ABHD12B: variants seen among roughly 807,000 people sequenced by gnomAD.
The protein encoded by ABHD12B is abhydrolase domain containing 12B, also known as protein ABHD12B.
ABHD12B carries 42 observed loss-of-function variants against 50.4 expected under a neutral mutation model. The ratio of observed to expected loss-of-function variants is 0.83; its 90% CI spans 0.65 to 1.08. ABHD12B has a LOEUF of 1.08. Among genes scored for constraint, ABHD12B ranks in the 50% least tolerant of loss-of-function variants. ABHD12B has a pLI of 0.00. For missense variants in ABHD12B, 479 were observed against 447.7 expected (o/e 1.07, Z -0.63); for synonymous variants, 167 against 160.3 (o/e 1.04, Z -0.32).
chr14:50,875,697 A>G (rs967676562), intron 1 of ABHD12B, among the ~76,000 whole-genome samples: 2 of 152,178 alleles, frequency 1.3e-5, no homozygotes, highest in African/African-American at 4.8e-5. Flanking sequence ...AGTCAAATTG[A>G]CAACCCCTTA....
At chr14:50,903,516 C>A in intron 11 of ABHD12B, 49 bp downstream of exon 11, 2 of 1,488,868 alleles carry the variant, frequency 1.3e-6, no homozygotes, top group South Asian at 1.2e-5. Context: ...CTCATTTCAC[C>A]ATTTTTTTCA....
In ABHD12B at chr14:50,872,194, A is replaced by G. The variant is rs1434558945; in HGVS notation, c.20A>G (p.Gln7Arg). Residue 7 changes from glutamine to arginine, a missense_variant, in exon 1 of 13, where the codon CAG (glutamine) becomes CGG (arginine). Gln to Arg is a conservative substitution (Grantham distance 43, BLOSUM62 1). Transcript: ENST00000337334. The stretch of plus-strand genomic sequence containing the variant: ...CGCGGGATGGACGCGCAGGACTGCC[A>G]GGCGGCCGCATCGCCCGAGCCGCCC... MDAQDC[Q>R]AAASPEPPGP... 1.5e-6 allele frequency: 2 copies of G among 1,364,214 alleles called. No homozygotes were observed. The highest frequency in any genetic ancestry group is 1.7e-5 in the South Asian group (1 of 59,808). The allele number at this position is 1,364,214 out of a possible 1,614,324, so 84.5% of individuals were successfully genotyped here. A position where few individuals can be genotyped will look rare whatever the true frequency, so the allele number is the denominator to read the frequency against.
chr14:50,887,211 C>CAAAAAAAAAAAA (rs59924695), intron 8 of ABHD12B, among the ~76,000 whole-genome samples: 1,430 of 43,536 alleles, frequency 0.033, 358 homozygotes, highest in Admixed American at 0.045. Flanking sequence ...GAGTCTGTCT[C>CAAAAAAAAAAAA]AAAAAAAAAA....
chr14:50,878,714 C>T (rs751451359), intron 2 of ABHD12B, 31 bp from the exon 3 acceptor site: 2 of 1,557,892 alleles, frequency 1.3e-6, no homozygotes, highest in South Asian at 2.2e-5. Flanking sequence ...GAATTTGATT[C>T]TTGAAGTTGA....
Position 50,885,094 on chromosome 14 carries a change from C to T in ABHD12B, c.487-520C>T, listed in dbSNP as rs190210911. Among the ~76,000 whole-genome samples the T allele has an allele frequency of 1.4e-3, 215 of 152,224 alleles. 1 individual carries two copies. The highest frequency in any genetic ancestry group is 4.8e-3 in the African/African-American group (200 of 41,518). The stretch of plus-strand genomic sequence containing the variant: ...ATATGTAAATGTTAAATAACTTGGC[C>T]AAGGTCACACAGCAGGTAAGTGGCA... On this transcript the variant is annotated intron_variant, in intron 5 of 12. Coordinates refer to ENST00000337334, the MANE Select transcript of ABHD12B (RefSeq NM_001206673.2).
At chr14:50,877,851 G>A in intron 1 of ABHD12B, 101 bp from the exon 2 acceptor site, 1 of 1,241,046 alleles carries the variant, frequency 8.1e-7, no homozygotes, top group East Asian at 2.8e-5. Flanking sequence ...TGGGCAACAA[G>A]AGCAGAACTC....
At chr14:50,882,791 T>C (rs537695069) in intron 5 of ABHD12B, among the ~76,000 whole-genome samples, 10 of 152,012 alleles carry the variant, frequency 6.6e-5, no homozygotes, top group Non-Finnish European at 1.3e-4. Flanking sequence ...CTCAACTTAA[T>C]GAGACCCTGT....
chr14:50,897,764 G>A (rs57618600), intron 9 of ABHD12B, among the ~76,000 whole-genome samples: 4,465 of 152,274 alleles, frequency 0.029, 214 homozygotes, highest in African/African-American at 0.1. Flanking sequence ...TTACCAAGGG[G>A]TTGGCGAAGA....
chr14:50,874,915 C>T (rs1229714578), intron 1 of ABHD12B, among the ~76,000 whole-genome samples: 10 of 152,232 alleles, frequency 6.6e-5, no homozygotes, highest in Admixed American at 6.5e-4. Flanking sequence ...AAATGAAGTC[C>T]TTCCTCTTTC....
chr14:50,880,205 G>A (rs902826552), intron 3 of ABHD12B, among the ~76,000 whole-genome samples: 2 of 152,186 alleles, frequency 1.3e-5, no homozygotes, highest in Non-Finnish European at 2.9e-5. Context: ...AGGTGCAGAA[G>A]TCAGAAGAAC....
intron 8 of ABHD12B, among the ~76,000 whole-genome samples, chr14:50,887,379 T>C (rs560993305): frequency 3.9e-5 from 6 of 152,192 alleles, no homozygotes; most frequent in African/African-American, 1.4e-4. Context: ...AGTATCAGAA[T>C]CTTCGACCCT....
At chr14:50,894,779 C>A (rs1328802528) in intron 9 of ABHD12B, among the ~76,000 whole-genome samples, 3 of 149,790 alleles carry the variant, frequency 2.0e-5, no homozygotes, top group African/African-American at 7.7e-5. Context: ...CCCGCCTGTC[C>A]CCCCAGTCCC....
intron 10 of ABHD12B, 130 bp from the exon 11 acceptor site, chr14:50,903,259 C>A: frequency 1.6e-6 from 1 of 642,232 alleles, no homozygotes; most frequent in South Asian, 2.1e-5. Context: ...ATTGTTATTC[C>A]TTGGAAGGAA....
rs182741832 is a variant in ABHD12B at position 50,876,042 on chromosome 14, C to T, written c.105-1910C>T. Among the ~76,000 whole-genome samples the T allele has an allele frequency of 1.6e-4, 24 of 152,278 alleles. No homozygotes were observed. In the East Asian group the frequency reaches 3.7e-3, roughly 23 times the overall value. On this transcript the variant is annotated intron_variant, in intron 1 of 12. Coordinates refer to ENST00000337334, the MANE Select transcript of ABHD12B (RefSeq NM_001206673.2). ...GCACAGTTCAGCCTTGGGTTCAGTT[C>T]TGTCCATTTGGGCTTGATCTGTGGC...
At position 50,872,179 on chromosome 14, in the gene ABHD12B, A is replaced by T; in HGVS notation, c.5A>T (p.Asp2Val). M[D>V]AQDCQAAASP... ...CGTATCGGGACACGGCGCGGGATGG[A>T]CGCGCAGGACTGCCAGGCGGCCGCA... The change falls in exon 1 of 13, where the codon GAC becomes GTC. Residue 2 changes from aspartate to valine, a missense_variant. By Grantham distance (152) the Asp-to-Val change is radical (BLOSUM62 -3). Transcript: ENST00000337334. 1 of 1,343,742 alleles carries T rather than the reference A, an allele frequency of 7.4e-7. No individual in the cohort carries two copies. The highest frequency in any genetic ancestry group is 9.6e-7 in the Non-Finnish European group (1 of 1,045,972). 83.2% of individuals were successfully genotyped at this position (1,343,742 alleles called of 1,614,324 possible).
At chr14:50,879,563 C>T (rs1186400144) in intron 3 of ABHD12B, among the ~76,000 whole-genome samples, 6 of 152,226 alleles carry the variant, frequency 3.9e-5, no homozygotes, top group Admixed American at 6.5e-5. Context: ...TTCTTGGCTG[C>T]CAAGTTTCCA....
intron 1 of ABHD12B, among the ~76,000 whole-genome samples, chr14:50,872,931 G>C (rs1029480922): frequency 1.3e-5 from 2 of 152,030 alleles, no homozygotes; most frequent in African/African-American, 4.8e-5. Context: ...ATGGATCCTC[G>C]GTTTAAACAG....
chr14:50,878,636 C>G (rs2049895362), intron 2 of ABHD12B, 109 bp from the exon 3 acceptor site: 1 of 845,738 alleles, frequency 1.2e-6, no homozygotes, highest in Admixed American at 2.4e-5. Context: ...AGTGTAGTAG[C>G]TTGCAACTTA....
In ABHD12B at chr14:50,903,442, C is replaced by T; in HGVS notation, c.917C>T (p.Thr306Ile). The part of the protein sequence containing the change: ...LLILHGEDDR[T>I]VPLEYGKKLY... ...ATCTTACATGGAGAGGATGACAGGA[C>T]AGTGCCTTTGGAGTATGGGAAAAAG... Residue 306 changes from threonine (T) to isoleucine (I), a missense_variant, in exon 11 of 13, where the codon ACA becomes ATA. Physicochemically the swap from Thr to Ile is moderately conservative, Grantham distance 89 (BLOSUM62 -1). Transcript: ENST00000337334. The T allele has an allele frequency of 6.2e-7, 1 of 1,612,722 alleles. No homozygotes were observed.
Sources: allele counts gnomAD v4.1 joint callset (sites outside exome capture counted in the v4.1 genomes callset), GRCh38; gene constraint gnomAD v4.1.1; transcripts MANE v1.5; gene names NCBI Gene and HGNC (gene_info 2026-07-23, HGNC 2026-07-21).